MOB4: variants seen among roughly 807,000 people sequenced by gnomAD.
MOB4 encodes the protein MOB family member 4, phocein.
MOB4 carries 4 observed loss-of-function variants against 32.2 expected under a neutral mutation model. That is an observed-to-expected ratio of 0.12 (90% CI 0.06 to 0.28). MOB4 has a LOEUF of 0.28. Among genes scored for constraint, MOB4 ranks in the 10% least tolerant of loss-of-function variants. The pLI, the probability that MOB4 is intolerant of heterozygous loss-of-function variation, is 1.00. For missense variants in MOB4, 158 were observed against 271.2 expected (o/e 0.58, Z 2.93); for synonymous variants, 88 against 88.1 (o/e 1.00, Z 0.01).
chr2:197,550,142 G>C (rs915543868), intron 6 of MOB4, 133 bp from the exon 7 acceptor site: 1 of 698,844 alleles, frequency 1.4e-6, no homozygotes, highest in Non-Finnish European at 2.2e-6. Flanking sequence ...GCATTTACTC[G>C]CAGTGTGACC....
chr2:197,533,055 C>T (rs1574638787), intron 2 of MOB4, among the ~76,000 whole-genome samples: 2 of 151,976 alleles, frequency 1.3e-5, no homozygotes, highest in Admixed American at 6.6e-5. Context: ...GCTGAGATTG[C>T]GCCACTACAC....
At chr2:197,532,346 A>G (rs1438651109) in intron 2 of MOB4, among the ~76,000 whole-genome samples, 1 of 152,256 alleles carries the variant, frequency 6.6e-6, no homozygotes, top group African/African-American at 2.4e-5. Context: ...TAGTAATTAT[A>G]TAAGTAAAGT....
At chr2:197,527,958 A>G (rs755795141) in intron 2 of MOB4, among the ~76,000 whole-genome samples, 1 of 152,116 alleles carries the variant, frequency 6.6e-6, no homozygotes, top group Non-Finnish European at 1.5e-5. Context: ...ATGTTGAACC[A>G]TCTTTGCATT....
At chr2:197,528,718 C>A (rs945389410) in intron 2 of MOB4, among the ~76,000 whole-genome samples, 4 of 151,184 alleles carry the variant, frequency 2.6e-5, no homozygotes, top group Non-Finnish European at 5.9e-5. Context: ...TGGGTTCAGG[C>A]CATTCTCCTG....
At chr2:197,539,995 G>C (rs976609120) in intron 3 of MOB4, 116 bp from the exon 4 acceptor site, 1 of 1,112,142 alleles carries the variant, frequency 9.0e-7, no homozygotes, top group Non-Finnish European at 1.2e-6. Flanking sequence ...GTGGTTTTGA[G>C]AATGGTAATG....
At position 197,522,060 on chromosome 2, in the gene MOB4, T is replaced by C. The variant is rs550307231; in HGVS notation, c.61-1564T>C. Among the ~76,000 whole-genome samples the C allele has an allele frequency of 8.5e-5, 13 of 152,300 alleles. No homozygotes were observed. In the South Asian group the frequency reaches 2.7e-3, roughly 32 times the overall value. ...CAGTAAAGACAGGCATAGGAAATTA[T>C]AAAAGTATTAATTTGGAGAACTAAT... On this transcript the variant is annotated intron_variant, in intron 1 of 7. Coordinates refer to ENST00000323303, the MANE Select transcript of MOB4 (RefSeq NM_015387.5).
intron 1 of MOB4, among the ~76,000 whole-genome samples, chr2:197,522,323 CTTTTTTTTTTTTT>C (rs57163165): frequency 9.0e-5 from 6 of 66,492 alleles, no homozygotes; most frequent in African/African-American, 2.3e-4. Context: ...GGGTGATTAC[CTTTTTTTTTTTTT>C]TTTTTTTTTT....
intron 1 of MOB4, chr2:197,516,517 C>T (rs1369404213): frequency 1.4e-6 from 1 of 703,920 alleles, no homozygotes; most frequent in African/African-American, 1.8e-5. Context: ...CCCGGGGTTT[C>T]CTGAAGGTCG....
At chr2:197,541,791 C>T (rs997690396) in intron 5 of MOB4, among the ~76,000 whole-genome samples, 7 of 150,822 alleles carry the variant, frequency 4.6e-5, no homozygotes, top group African/African-American at 1.5e-4. Context: ...TAGTGGCGGG[C>T]GCCTGTAGTC....
At chr2:197,533,722 C>CAAA (rs796816631) in intron 2 of MOB4, 1,078 of 141,638 alleles carry the variant, frequency 7.6e-3, no homozygotes, top group South Asian at 0.012. Context: ...CAAAACTCCT[C>CAAA]AAAAAAAAAA....
chr2:197,540,294 A>G (rs2086875551), intron 4 of MOB4, 57 bp from the exon 5 acceptor site: 2 of 1,473,650 alleles, frequency 1.4e-6, no homozygotes, highest in East Asian at 2.5e-5. Context: ...AGTAACCTAA[A>G]TGATAAGCTT....
chr2:197,532,827 C>T (rs1349929519), intron 2 of MOB4, among the ~76,000 whole-genome samples: 17 of 152,014 alleles, frequency 1.1e-4, no homozygotes, highest in Middle Eastern at 3.2e-3. Context: ...AGACTGGGTG[C>T]GGTGGCTCAC....
intron 2 of MOB4, among the ~76,000 whole-genome samples, chr2:197,534,598 A>G (rs1042980669): frequency 2.0e-5 from 3 of 152,152 alleles, no homozygotes; most frequent in African/African-American, 7.2e-5. Context: ...GCTGGAGTGC[A>G]GTGGCACGAT....
At chr2:197,536,895 T>A (rs1210691349) in intron 3 of MOB4, among the ~76,000 whole-genome samples, 1 of 151,906 alleles carries the variant, frequency 6.6e-6, no homozygotes, top group African/African-American at 2.4e-5. Flanking sequence ...CGTGCCTGAC[T>A]TGTCTTTTTT....
intron 5 of MOB4, among the ~76,000 whole-genome samples, chr2:197,547,500 A>G (rs913605222): frequency 2.0e-5 from 3 of 152,208 alleles, no homozygotes; most frequent in South Asian, 2.1e-4. Context: ...TCCTGTGGAT[A>G]TATTGTTAGA....
chr2:197,530,480 G>A (rs1415828290), intron 2 of MOB4, among the ~76,000 whole-genome samples: 3 of 151,838 alleles, frequency 2.0e-5, no homozygotes, highest in Non-Finnish European at 4.4e-5. Context: ...GCCTAGGCTG[G>A]TCTTGAACTC....
intron 2 of MOB4, among the ~76,000 whole-genome samples, chr2:197,525,163 G>A (rs1176178961): frequency 1.3e-5 from 2 of 151,978 alleles, no homozygotes; most frequent in Middle Eastern, 3.2e-3. Flanking sequence ...GGCTAACATG[G>A]TGAAACCCCA....
intron 5 of MOB4, among the ~76,000 whole-genome samples, chr2:197,544,716 G>T (rs1430039223): frequency 4.0e-5 from 6 of 150,638 alleles, no homozygotes; most frequent in Non-Finnish European, 8.8e-5. Flanking sequence ...TCACATCACT[G>T]CACTCCAGCC....
chr2:197,548,861 G>A (rs1306197933), intron 6 of MOB4, among the ~76,000 whole-genome samples: 1 of 151,948 alleles, frequency 6.6e-6, no homozygotes, highest in African/African-American at 2.4e-5. Flanking sequence ...TTAGAGTTGG[G>A]ATATGTATAT....
Sources: allele counts gnomAD v4.1 joint callset (sites outside exome capture counted in the v4.1 genomes callset), GRCh38; gene constraint gnomAD v4.1.1; transcripts MANE v1.5; gene names NCBI Gene and HGNC (gene_info 2026-07-23, HGNC 2026-07-21).